HIVEP1: variants seen among roughly 807,000 people sequenced by gnomAD.
The protein encoded by HIVEP1 is zinc finger protein 40.
Under a neutral mutation model 180.0 loss-of-function variants are expected in HIVEP1, and 36 were observed. That is an observed-to-expected ratio of 0.20 (90% CI 0.15 to 0.26). The LOEUF is 0.26. HIVEP1 is among the 10% of genes least tolerant of loss of function. The pLI is 1.00. For missense variants in HIVEP1, 3,143 were observed against 3,268.7 expected (o/e 0.96, Z 0.94); for synonymous variants, 1,239 against 1,239.0 (o/e 1.00, Z 0.00).
chr6:12,042,680 A>G (rs940316253), intron 2 of HIVEP1, among the ~76,000 whole-genome samples: 10 of 152,064 alleles, frequency 6.6e-5, no homozygotes, highest in Non-Finnish European at 1.0e-4. Context: ...TAGCCCTTCT[A>G]AAGTTTCTTC....
chr6:12,146,301 G>T lies in HIVEP1; in HGVS notation c.6487+10409G>T, dbSNP rs1759370132. On this transcript the variant is annotated intron_variant, in intron 7 of 8. Transcript: ENST00000379388. ...CAACTAAAAATATAAAAATTAGCCA[G>T]GCATGATGGCGCATGCCTGTAATCC... Among the ~76,000 whole-genome samples, 3 of 152,122 alleles carry T rather than the reference G, an allele frequency of 2.0e-5. No individual in the cohort carries two copies. The South Asian group carries it at 6.2e-4, about 32-fold the overall frequency.
chr6:12,134,995 A>G (rs1758626454), intron 6 of HIVEP1, among the ~76,000 whole-genome samples: 1 of 152,208 alleles, frequency 6.6e-6, no homozygotes, highest in South Asian at 2.1e-4. Context: ...ATTCCAAGGT[A>G]CCAGAAAAAA....
chr6:12,189,524 A>C, the HIVEP1 span, among the ~76,000 whole-genome samples: 9 of 152,272 alleles, frequency 5.9e-5, no homozygotes, highest in Non-Finnish European at 1.3e-4. Flanking sequence ...GGCATCTTTG[A>C]AAAATGTTCT....
chr6:12,068,955 T>A (rs1771784314), intron 2 of HIVEP1, among the ~76,000 whole-genome samples: 1 of 152,222 alleles, frequency 6.6e-6, no homozygotes, highest in African/African-American at 2.4e-5. Flanking sequence ...CTTGTCACTT[T>A]CCCCAGAAAT....
chr6:12,186,804 G>C, the HIVEP1 span, among the ~76,000 whole-genome samples: 1 of 151,692 alleles, frequency 6.6e-6, no homozygotes, highest in Non-Finnish European at 1.5e-5. Context: ...GACCTGAGAT[G>C]ACCCAGATGA....
At chr6:12,145,093 A>C (rs966593963) in intron 7 of HIVEP1, among the ~76,000 whole-genome samples, 81 of 152,240 alleles carry the variant, frequency 5.3e-4, no homozygotes, top group African/African-American at 1.8e-3. Context: ...CGGCACTATT[A>C]ACAATAGCAA....
At position 12,023,688 on chromosome 6, in the gene HIVEP1, T is replaced by C. The variant is rs1484009412; in HGVS notation, c.40+8020T>C. Among the ~76,000 whole-genome samples, 3 of 152,160 alleles carry C rather than the reference T, an allele frequency of 2.0e-5. No homozygotes were observed. In the East Asian group the frequency reaches 5.8e-4, roughly 29 times the overall value. On this transcript the variant is annotated intron_variant, in intron 2 of 8. Transcript: ENST00000379388. ...TTGCAGATAATTATTTTTCGGCTCA[T>C]GTTGAGAGCTTATTTGATGCTTTCT... is the stretch of plus-strand genomic sequence containing the variant.
At chr6:12,133,875 G>A (rs949991992) in intron 6 of HIVEP1, among the ~76,000 whole-genome samples, 1 of 152,056 alleles carries the variant, frequency 6.6e-6, no homozygotes, top group Non-Finnish European at 1.5e-5. Context: ...CTACCTGGGA[G>A]GCTGAGGCAA....
the HIVEP1 span, among the ~76,000 whole-genome samples, chr6:12,183,694 C>T: frequency 6.6e-6 from 1 of 151,702 alleles, no homozygotes; most frequent in Admixed American, 6.6e-5. Flanking sequence ...TTTTTGGATT[C>T]GTCTAGCCAT....
At chr6:12,060,637 A>G (rs551258056) in intron 2 of HIVEP1, among the ~76,000 whole-genome samples, 1 of 152,186 alleles carries the variant, frequency 6.6e-6, no homozygotes, top group East Asian at 1.9e-4. Context: ...CTCAAATACT[A>G]GGATGCTGAG....
chr6:12,149,675 A>T (rs992988404), intron 7 of HIVEP1, among the ~76,000 whole-genome samples: 1 of 152,080 alleles, frequency 6.6e-6, no homozygotes, highest in African/African-American at 2.4e-5. Flanking sequence ...GGTTTTCTCC[A>T]TATTTCTTTC....
intron 2 of HIVEP1, among the ~76,000 whole-genome samples, chr6:12,055,357 C>G (rs1289261637): frequency 1.3e-5 from 2 of 152,116 alleles, no homozygotes; most frequent in African/African-American, 4.8e-5. Flanking sequence ...CCTGTAATCC[C>G]AGCTACTCGG....
At chr6:12,193,629 TTTG>T in the HIVEP1 span, among the ~76,000 whole-genome samples, 1 of 152,210 alleles carries the variant, frequency 6.6e-6, no homozygotes, top group African/African-American at 2.4e-5. Flanking sequence ...AATTTGTTTG[TTTG>T]TGGAATATCG....
intron 7 of HIVEP1, among the ~76,000 whole-genome samples, chr6:12,159,854 T>C (rs1018701934): frequency 3.9e-5 from 6 of 152,240 alleles, no homozygotes; most frequent in African/African-American, 1.2e-4. Flanking sequence ...ACGTTTGTGA[T>C]AAATAATGTA....
intron 3 of HIVEP1, among the ~76,000 whole-genome samples, chr6:12,117,774 A>G (rs527236628): frequency 6.6e-6 from 1 of 152,330 alleles, no homozygotes; most frequent in African/African-American, 2.4e-5. Flanking sequence ...CAGCTCTGCT[A>G]GCTTCTCATC....
the HIVEP1 span, among the ~76,000 whole-genome samples, chr6:12,187,146 C>T: frequency 6.6e-6 from 1 of 151,952 alleles, no homozygotes; most frequent in Admixed American, 6.6e-5. Flanking sequence ...AAGTGGTAAT[C>T]GGGGTCATAG....
chr6:12,074,485 AC>A (rs1772207133), intron 2 of HIVEP1, among the ~76,000 whole-genome samples: 1 of 152,224 alleles, frequency 6.6e-6, no homozygotes, highest in African/African-American at 2.4e-5. Flanking sequence ...GTTCAATAGC[AC>A]CATAAAAATG....
At chr6:12,048,825 C>T (rs1323286241) in intron 2 of HIVEP1, among the ~76,000 whole-genome samples, 1 of 152,054 alleles carries the variant, frequency 6.6e-6, no homozygotes, top group East Asian at 1.9e-4. Flanking sequence ...GTTCTTTCTG[C>T]TTGGGGACAG....
chr6:12,086,385 T>C (rs540196738), intron 2 of HIVEP1, among the ~76,000 whole-genome samples: 19 of 152,170 alleles, frequency 1.2e-4, no homozygotes, highest in Non-Finnish European at 2.4e-4. Context: ...TCTTTTTGTT[T>C]GTATAACTAT....
Sources: gnomAD v4.1 joint callset for allele counts (sites outside exome capture counted in the v4.1 genomes callset) on GRCh38, gnomAD v4.1.1 for gene constraint, MANE v1.5 for transcripts, NCBI Gene and HGNC (gene_info 2026-07-23, HGNC 2026-07-21) for gene names.